NADSYN1: variants seen among roughly 807,000 people sequenced by gnomAD.
The protein encoded by NADSYN1 is NAD synthetase 1, also known as glutamine-dependent NAD(+) synthetase.
Under a neutral mutation model 99.3 loss-of-function variants are expected in NADSYN1, and 80 were observed. That is an observed-to-expected ratio of 0.81 (90% CI 0.67 to 0.97). NADSYN1 has a LOEUF of 0.97. Among genes scored for constraint, NADSYN1 ranks in the 50% least tolerant of loss-of-function variants. The probability of loss-of-function intolerance (pLI) is 0.00; values close to 1 mark genes in which losing one functional copy is unlikely to be tolerated. For missense variants in NADSYN1, 859 were observed against 948.5 expected, an observed-to-expected ratio of 0.91 and a Z score of 1.24; for synonymous variants, 385 against 372.1, an observed-to-expected ratio of 1.03 and a Z score of -0.40.
intron 5 of NADSYN1, among the ~76,000 whole-genome samples, chr11:71,471,722 C>G (rs1004099065): frequency 1.3e-5 from 2 of 152,172 alleles, no homozygotes; most frequent in Admixed American, 1.3e-4. Context: ...TTCCTGTCCC[C>G]GTTCCCTACG....
intron 4 of NADSYN1, 133 bp downstream of exon 4, chr11:71,463,618 A>G: frequency 1.2e-6 from 1 of 808,378 alleles, no homozygotes; most frequent in South Asian, 1.7e-5. Flanking sequence ...GCCCGGGCTT[A>G]GTGAGGGCCG....
At chr11:71,476,013 C>T (rs1949663182) in intron 9 of NADSYN1, 1 of 456,022 alleles carries the variant, frequency 2.2e-6, no homozygotes, top group African/African-American at 2.0e-5. Context: ...CGCACCCGGC[C>T]TCTCTTTCTG....
In NADSYN1 at chr11:71,463,474, A is replaced by G. The variant is rs1258341154; in HGVS notation, c.306A>G (p.Ile102Met). ...HRNVRYNCRVIFLNRKILLIR... is the reference protein window; with the variant it reads ...HRNVRYNCRVMFLNRKILLIR... The stretch of plus-strand genomic sequence containing the variant: ...ACGTCCGCTACAACTGCAGAGTGAT[A>G]TTCCTCAACAGGTAGGCCCCCTGCC... The change falls in exon 4 of 21, where the codon ATA becomes ATG. Residue 102 changes from isoleucine (I) to methionine (M), a missense_variant. Ile to Met is a conservative substitution (Grantham distance 10). Transcript: ENST00000319023. The G allele has an allele frequency of 2.5e-6, 4 of 1,613,894 alleles. No homozygotes were observed. Among genetic ancestry groups the G allele is most frequent in the Middle Eastern group, 1.6e-4 (1 of 6,062 alleles).
chr11:71,458,416 C>T lies in NADSYN1; in HGVS notation c.147-12C>T. 4 of 1,605,358 alleles carry T rather than the reference C, an allele frequency of 2.5e-6. No homozygotes were observed. The highest frequency in any genetic ancestry group is 3.4e-6 in the Non-Finnish European group (4 of 1,171,964). ...GTTGTTTCTGGAGCTCACCTTCTCA[C>T]TGTCTCTGCAGCGGCTACGGATGTT... On this transcript the variant is annotated splice_polypyrimidine_tract_variant and intron_variant, in intron 2 of 20. Coordinates refer to ENST00000319023, the MANE Select transcript of NADSYN1 (RefSeq NM_018161.5).
At chr11:71,477,672 G>T (rs1949678468) in intron 9 of NADSYN1, among the ~76,000 whole-genome samples, 1 of 152,340 alleles carries the variant, frequency 6.6e-6, no homozygotes, top group Non-Finnish European at 1.5e-5. Flanking sequence ...ACCATAGCCG[G>T]GTTCAAAGGC....
chr11:71,490,232 C>G (rs1054286556), intron 16 of NADSYN1, among the ~76,000 whole-genome samples: 1 of 152,232 alleles, frequency 6.6e-6, no homozygotes, highest in African/African-American at 2.4e-5. Context: ...GCGTCTCTGC[C>G]TTTCCCCTGC....
intron 3 of NADSYN1, among the ~76,000 whole-genome samples, 153 bp from the exon 4 acceptor site, chr11:71,463,279 G>A (rs1255128631): frequency 2.0e-5 from 3 of 152,148 alleles, no homozygotes; most frequent in Non-Finnish European, 4.4e-5. Flanking sequence ...TGATTTGAGG[G>A]TGCCACAGAA....
chr11:71,482,416 C>T (rs1210817888), intron 13 of NADSYN1, among the ~76,000 whole-genome samples: 1 of 152,212 alleles, frequency 6.6e-6, no homozygotes, highest in African/African-American at 2.4e-5. Context: ...GGGCCATAGC[C>T]TGGGCTGGCG....
At chr11:71,481,629 C>G (rs1292346011) in intron 12 of NADSYN1, 2 of 608,324 alleles carry the variant, frequency 3.3e-6, no homozygotes, top group East Asian at 5.5e-5. Context: ...GGAACCCAGC[C>G]CATCAGCATT....
Position 71,501,682 on chromosome 11 carries a change from C to A in NADSYN1, c.*330C>A. On this transcript the variant is annotated 3_prime_UTR_variant, in exon 21 of 21. Coordinates refer to ENST00000319023, the MANE Select transcript of NADSYN1 (RefSeq NM_018161.5). ...GGCATCTTTGCTGCAGGAACAAGAA[C>A]AGTAGCTCCCGGGAAGGGAGGGGTG... is the stretch of plus-strand genomic sequence containing the variant. The A allele has an allele frequency of 2.9e-6, 1 of 349,856 alleles. No individual in the cohort carries two copies. Among genetic ancestry groups the A allele is most frequent in the East Asian group, 5.5e-5 (1 of 18,184 alleles). The allele number at this position is 349,856 out of a possible 1,614,324, so 21.7% of individuals were successfully genotyped here.
At chr11:71,477,130 C>T (rs912201347) in intron 9 of NADSYN1, 10 of 1,128,282 alleles carry the variant, frequency 8.9e-6, no homozygotes, top group Admixed American at 4.6e-5. Flanking sequence ...ACAGACCTGC[C>T]GATCACCCCC....
chr11:71,473,374 C>T lies in NADSYN1; in HGVS notation c.548+8C>T. On this transcript the variant is annotated splice_region_variant and intron_variant, in intron 7 of 20. Transcript: ENST00000319023. ...GCTCTGGACACCCCACAGGTCAGCC[C>T]CATGCCCCTGTGCTGTCTGATCGCC... The T allele has an allele frequency of 6.2e-7, 1 of 1,613,502 alleles. No individual in the cohort carries two copies. The highest frequency in any genetic ancestry group is 8.5e-7 in the Non-Finnish European group (1 of 1,179,462).
Position 71,480,911 on chromosome 11 carries a change from G to A in NADSYN1, c.998+32G>A, listed in dbSNP as rs573284345. 3.1e-6 allele frequency: 5 copies of A among 1,610,688 alleles called. No individual in the cohort carries two copies. In the East Asian group the frequency reaches 1.1e-4, roughly 36 times the overall value. On this transcript the variant is annotated intron_variant, in intron 11 of 20. Coordinates refer to ENST00000319023, the MANE Select transcript of NADSYN1 (RefSeq NM_018161.5). Reference sequence around the variant, plus strand: ...GGCCCCTGACCCCTGGGAGGGACCTGGCGTCTGTGTGGCCACGCCCCTGGG... The same window carrying A: ...GGCCCCTGACCCCTGGGAGGGACCTAGCGTCTGTGTGGCCACGCCCCTGGG...
chr11:71,481,315 G>T (rs764789515), intron 11 of NADSYN1, 41 bp from the exon 12 acceptor site: 1 of 1,610,042 alleles, frequency 6.2e-7, no homozygotes, highest in Non-Finnish European at 8.5e-7. Context: ...CTGTGGGCAG[G>T]GGCCACCGCC....
chr11:71,461,909 GGA>G (rs1370849044), intron 3 of NADSYN1, among the ~76,000 whole-genome samples: 1 of 152,212 alleles, frequency 6.6e-6, no homozygotes, highest in African/African-American at 2.4e-5. Flanking sequence ...AGAACACATC[GGA>G]GAGGAATAGA....
At chr11:71,480,995 C>G in intron 11 of NADSYN1, 116 bp downstream of exon 11, 1 of 1,417,356 alleles carries the variant, frequency 7.1e-7, no homozygotes, top group Non-Finnish European at 9.6e-7. Context: ...TGGGGACTTG[C>G]AGAAGGCAAC....
In NADSYN1 at chr11:71,492,008, C is replaced by G. The variant is rs555879029; in HGVS notation, c.1764+105C>G. 72 of 1,068,106 alleles carry G rather than the reference C, an allele frequency of 6.7e-5. No individual in the cohort carries two copies. In the African/African-American group the frequency reaches 1.1e-3, roughly 16 times the overall value. The allele number at this position is 1,068,106 out of a possible 1,614,324, so 66.2% of individuals were successfully genotyped here. A position where few individuals can be genotyped will look rare whatever the true frequency, so the allele number is the denominator to read the frequency against. ...CCTCCTGACCCCAGGACAGCTGCAT[C>G]GCTGTCACTGGGTCCCTGGCCTGGG... On this transcript the variant is annotated intron_variant, in intron 18 of 20. Transcript: ENST00000319023.
rs780376631 is a variant in NADSYN1 at position 71,463,500 on chromosome 11, C to T, written c.317+15C>T. The stretch of plus-strand genomic sequence containing the variant: ...TTCCTCAACAGGTAGGCCCCCTGCC[C>T]CCACCCCGGGAGGGTGACTGGGGCC... On this transcript the variant is annotated intron_variant, in intron 4 of 20. Transcript: ENST00000319023. 6.8e-6 allele frequency: 11 copies of T among 1,612,426 alleles called. No homozygotes were observed. The African/African-American group carries it at 8.0e-5, about 12-fold the overall frequency.
At chr11:71,474,676 G>A (rs1472895635) in intron 9 of NADSYN1, 150 bp downstream of exon 9, 18 of 1,048,570 alleles carry the variant, frequency 1.7e-5, no homozygotes, top group Middle Eastern at 2.9e-4. Context: ...CCTGTAAGCC[G>A]GGCGCTTAGT....
Sources: gnomAD v4.1 joint callset for allele counts (sites outside exome capture counted in the v4.1 genomes callset) on GRCh38, gnomAD v4.1.1 for gene constraint, MANE v1.5 for transcripts, NCBI Gene and HGNC (gene_info 2026-07-23, HGNC 2026-07-21) for gene names.